TMEM131: variants seen among roughly 807,000 people sequenced by gnomAD.
The protein encoded by TMEM131 is transmembrane protein 131.
In TMEM131, 66 loss-of-function variants were observed where a neutral mutation model predicts 211.6. That is an observed-to-expected ratio of 0.31 (90% CI 0.26 to 0.38). The LOEUF is 0.38. TMEM131 is among the 10% of genes least tolerant of loss of function. The pLI is 1.00. For missense variants in TMEM131, 2,036 were observed against 2,299.3 expected (o/e 0.89, Z 2.34); for synonymous variants, 844 against 841.3 (o/e 1.00, Z -0.06).
At chr2:97,888,806 T>G (rs924901650) in intron 3 of TMEM131, among the ~76,000 whole-genome samples, 3 of 152,210 alleles carry the variant, frequency 2.0e-5, no homozygotes, top group Admixed American at 6.5e-5. Flanking sequence ...GTGGTTCACA[T>G]GCCTAAAGTG....
At chr2:97,757,604 T>C (rs780681207) in intron 40 of TMEM131, among the ~76,000 whole-genome samples, 5 of 152,218 alleles carry the variant, frequency 3.3e-5, no homozygotes, top group Admixed American at 6.5e-5. Context: ...GGTGTGATCA[T>C]GCCTCACTGC....
At chr2:97,853,260 T>A (rs1476500692) in intron 5 of TMEM131, among the ~76,000 whole-genome samples, 1 of 152,060 alleles carries the variant, frequency 6.6e-6, no homozygotes, top group Non-Finnish European at 1.5e-5. Flanking sequence ...CAAAGTCCAT[T>A]GAAAACCTCC....
intron 27 of TMEM131, 109 bp downstream of exon 27, chr2:97,796,735 T>C: frequency 9.0e-7 from 1 of 1,113,940 alleles, no homozygotes; most frequent in Non-Finnish European, 1.3e-6. Context: ...TAAGCATTCA[T>C]AACTAATATA....
At position 97,849,717 on chromosome 2, in the gene TMEM131, C is replaced by CTT. The variant is rs11320615; in HGVS notation, c.484-5458_484-5457dup. On this transcript the variant is annotated intron_variant, in intron 5 of 40. Coordinates refer to ENST00000186436, the MANE Select transcript of TMEM131 (RefSeq NM_015348.2). ...TCTGTGTGTGTATATCTCTCTCTCT[C>CTT]TTTTTTTTTTTTTTTTTTTTTTTAC... Among the ~76,000 whole-genome samples, 919 of 103,706 alleles carry CTT rather than the reference C, an allele frequency of 8.9e-3. 10 individuals carry two copies. The highest frequency in any genetic ancestry group is 0.032 in the African/African-American group (819 of 25,976). 68.0% of individuals were successfully genotyped at this position (103,706 alleles called of 152,430 possible). A position where few individuals can be genotyped will look rare whatever the true frequency, so the allele number is the denominator to read the frequency against.
At chr2:97,977,459 T>G (rs1410658418) in intron 1 of TMEM131, among the ~76,000 whole-genome samples, 1 of 152,168 alleles carries the variant, frequency 6.6e-6, no homozygotes, top group East Asian at 1.9e-4. Flanking sequence ...TACAATGAAA[T>G]GCAGGAATGC....
chr2:97,878,307 C>A (rs1269818277), intron 4 of TMEM131, among the ~76,000 whole-genome samples: 1 of 152,162 alleles, frequency 6.6e-6, no homozygotes, highest in African/African-American at 2.4e-5. Context: ...CCTCAAGGAT[C>A]TAGAACTAGA....
At chr2:97,825,456 G>C (rs1682334788) in intron 11 of TMEM131, among the ~76,000 whole-genome samples, 1 of 152,106 alleles carries the variant, frequency 6.6e-6, no homozygotes, top group African/African-American at 2.4e-5. Context: ...CAGTTACGGG[G>C]GTTCCTTGGC....
chr2:97,834,152 G>A (rs1444080154), intron 10 of TMEM131, among the ~76,000 whole-genome samples: 1 of 152,004 alleles, frequency 6.6e-6, no homozygotes, highest in Non-Finnish European at 1.5e-5. Flanking sequence ...AATTACAAGT[G>A]CTCTTAGTTT....
chr2:97,860,255 G>C lies in TMEM131; in HGVS notation c.360-828C>G, dbSNP rs139096968. On this transcript the variant is annotated intron_variant, in intron 4 of 40. Transcript: ENST00000186436. ...TGACCCAACCTAAACAAGTAACCCTGTTTTCAATCCAGACCTTCCACCTGA... is the reference window on the plus strand; with the variant it reads ...TGACCCAACCTAAACAAGTAACCCTCTTTTCAATCCAGACCTTCCACCTGA... 1.2e-3 allele frequency among the ~76,000 whole-genome samples: 180 copies of C among 152,230 alleles called. 1 individual carries two copies. Among genetic ancestry groups the C allele is most frequent in the African/African-American group, 4.2e-3 (173 of 41,548 alleles).
intron 1 of TMEM131, among the ~76,000 whole-genome samples, chr2:97,932,385 T>C (rs1252601150): frequency 1.3e-5 from 2 of 152,188 alleles, no homozygotes; most frequent in Non-Finnish European, 2.9e-5. Context: ...CTTGTCTTCT[T>C]GCCACATTAG....
chr2:97,963,080 G>C (rs1307177425), intron 1 of TMEM131, among the ~76,000 whole-genome samples: 2 of 152,118 alleles, frequency 1.3e-5, no homozygotes, highest in East Asian at 3.8e-4. Flanking sequence ...ACATTAAGAT[G>C]GTGCCATTTT....
At chr2:97,811,096 C>T in intron 18 of TMEM131, 32 bp downstream of exon 18, 2 of 1,458,832 alleles carry the variant, frequency 1.4e-6, no homozygotes, top group Non-Finnish European at 1.9e-6. Context: ...TCAGAAAAAC[C>T]CCACTGCCAT....
intron 2 of TMEM131, among the ~76,000 whole-genome samples, chr2:97,918,089 G>A (rs1676587476): frequency 6.6e-6 from 1 of 151,964 alleles, no homozygotes; most frequent in African/African-American, 2.4e-5. Flanking sequence ...GACTACAGGC[G>A]CATGCCACCA....
intron 1 of TMEM131, among the ~76,000 whole-genome samples, chr2:97,970,318 G>T (rs1679242151): frequency 6.6e-6 from 1 of 152,134 alleles, no homozygotes; most frequent in Non-Finnish European, 1.5e-5. Context: ...CTCCATGCCT[G>T]GTTTCTTTCA....
chr2:97,988,714 C>T (rs780335058), intron 1 of TMEM131, among the ~76,000 whole-genome samples: 1 of 152,150 alleles, frequency 6.6e-6, no homozygotes, highest in Non-Finnish European at 1.5e-5. Context: ...ATCAATACCA[C>T]AATGAGATAG....
chr2:97,946,257 A>T (rs1346279514), intron 1 of TMEM131, among the ~76,000 whole-genome samples: 1 of 152,094 alleles, frequency 6.6e-6, no homozygotes, highest in African/African-American at 2.4e-5. Context: ...AAAGAAAAGA[A>T]ATAATAAAGA....
chr2:97,759,130 T>C (rs1318636642), intron 39 of TMEM131, 77 bp from the exon 40 acceptor site: 1 of 1,565,176 alleles, frequency 6.4e-7, no homozygotes, highest in Non-Finnish European at 8.7e-7. Flanking sequence ...CTTCACTCAA[T>C]GGCATACCTC....
intron 5 of TMEM131, among the ~76,000 whole-genome samples, chr2:97,848,132 G>A (rs191599323): frequency 4.3e-4 from 66 of 152,276 alleles, no homozygotes; most frequent in Non-Finnish European, 2.6e-4. Context: ...ACATAGTGAA[G>A]AGTCCAAAAC....
intron 5 of TMEM131, among the ~76,000 whole-genome samples, chr2:97,856,692 C>G (rs1021474156): frequency 1.3e-5 from 2 of 152,158 alleles, no homozygotes; most frequent in African/African-American, 4.8e-5. Flanking sequence ...TCATCTTTCC[C>G]CAAGGCTCTT....
Sources: allele counts gnomAD v4.1 joint callset (sites outside exome capture counted in the v4.1 genomes callset), GRCh38; gene constraint gnomAD v4.1.1; transcripts MANE v1.5; gene names NCBI Gene and HGNC (gene_info 2026-07-23, HGNC 2026-07-21).